Variants in DCX observed in about 807,000 individuals in gnomAD.
DCX encodes the protein doublecortin.
In DCX, 4 loss-of-function variants were observed where a neutral mutation model predicts 20.9. The observed-to-expected ratio is 0.19, with a 90% CI of 0.09 to 0.44. The LOEUF is 0.44. DCX is among the 20% of genes least tolerant of loss of function. DCX has a pLI of 0.99. For missense variants in DCX, 133 were observed against 296.9 expected, an observed-to-expected ratio of 0.45 and a Z score of 4.06; for synonymous variants, 103 against 111.4, an observed-to-expected ratio of 0.92 and a Z score of 0.47.
chrX:111,371,932 G>A (rs1925117742), intron 3 of DCX, among the ~76,000 whole-genome samples: 1 of 48,240 alleles, frequency 2.1e-5, no homozygotes, highest in African/African-American at 5.4e-5. Context: ...AGATATATGT[G>A]TACACACACA....
At chrX:111,378,032 G>A (rs1391968718) in intron 3 of DCX, among the ~76,000 whole-genome samples, 1 of 111,560 alleles carries the variant, frequency 9.0e-6, no homozygotes, top group Middle Eastern at 4.2e-3. Flanking sequence ...TAGGGGCCAA[G>A]CACCAAGCAT....
Sources: gnomAD v4.1 joint callset for allele counts (sites outside exome capture counted in the v4.1 genomes callset) on GRCh38, gnomAD v4.1.1 for gene constraint, MANE v1.5 for transcripts, NCBI Gene and HGNC (gene_info 2026-07-23, HGNC 2026-07-21) for gene names.